VTI1A: variants seen among roughly 807,000 people sequenced by gnomAD.
The protein encoded by VTI1A is vesicle transport through interaction with t-SNAREs 1A.
Under a neutral mutation model 34.9 loss-of-function variants are expected in VTI1A, and 22 were observed. The observed-to-expected ratio is 0.63, with a 90% confidence interval of 0.45 to 0.90. VTI1A has a LOEUF of 0.90. Among genes scored for constraint, VTI1A ranks in the 40% least tolerant of loss-of-function variants. The probability of loss-of-function intolerance (pLI) is 0.00; values close to 1 mark genes in which losing one functional copy is unlikely to be tolerated. For synonymous variants in VTI1A, 87 were observed against 97.3 expected (o/e 0.89, Z 0.62); for missense variants, 268 against 275.6 (o/e 0.97, Z 0.20).
chr10:112,750,347 CCTGA>C (rs935091208), intron 7 of VTI1A, among the ~76,000 whole-genome samples: 2 of 151,996 alleles, frequency 1.3e-5, no homozygotes, highest in African/African-American at 4.8e-5. Context: ...CACCACCATG[CCTGA>C]CTAATTTTGT....
At chr10:112,456,708 G>T (rs577710800) in intron 1 of VTI1A, among the ~76,000 whole-genome samples, 1 of 152,168 alleles carries the variant, frequency 6.6e-6, no homozygotes, top group Non-Finnish European at 1.5e-5. Flanking sequence ...TTCCAGTCTT[G>T]ATAGAACTGA....
At chr10:112,792,645 C>T (rs1590189433) in intron 7 of VTI1A, among the ~76,000 whole-genome samples, 1 of 152,168 alleles carries the variant, frequency 6.6e-6, no homozygotes, top group Non-Finnish European at 1.5e-5. Flanking sequence ...CTCATAAAAA[C>T]CGAGTCAAGA....
intron 7 of VTI1A, among the ~76,000 whole-genome samples, chr10:112,777,702 C>T (rs559880844): frequency 1.2e-4 from 19 of 152,180 alleles, no homozygotes; most frequent in African/African-American, 1.2e-4. Context: ...CTCCGTTTCC[C>T]GGACATTGTG....
intron 3 of VTI1A, among the ~76,000 whole-genome samples, chr10:112,467,339 A>G (rs989667200): frequency 3.3e-5 from 5 of 152,174 alleles, no homozygotes; most frequent in African/African-American, 4.8e-5. Flanking sequence ...ACCAACAACT[A>G]TGAAACTAAA....
At chr10:112,580,253 G>A (rs1843873169) in intron 5 of VTI1A, among the ~76,000 whole-genome samples, 1 of 152,176 alleles carries the variant, frequency 6.6e-6, no homozygotes, top group Non-Finnish European at 1.5e-5. Flanking sequence ...AGGGGTGAAA[G>A]AAGCAGAAGA....
rs1554930264 is a variant in VTI1A, at chr10:112,642,994, T to TTG, written c.428-25224_428-25223insTG. On this transcript the variant is annotated intron_variant, in intron 5 of 7. Coordinates refer to ENST00000393077, the MANE Select transcript of VTI1A (RefSeq NM_145206.4). ...TTTCTTTTCTTTTTTTTTTTTTTTT[T>TTG]GTTTTTAAGACAGAGTCTCACTCTT... 7.4e-5 allele frequency among the ~76,000 whole-genome samples: 11 copies of TTG among 147,854 alleles called. No individual in the cohort carries two copies. The East Asian group carries it at 2.2e-3, about 29-fold the overall frequency.
At chr10:112,702,953 A>T (rs1237115306) in intron 7 of VTI1A, among the ~76,000 whole-genome samples, 1 of 152,190 alleles carries the variant, frequency 6.6e-6, no homozygotes, top group Non-Finnish European at 1.5e-5. Flanking sequence ...TCTAGTATTA[A>T]CTAATTGGGC....
chr10:112,520,647 G>GTATA lies in VTI1A; in HGVS notation c.265-6417_265-6414dup, dbSNP rs35437904. Among the ~76,000 whole-genome samples the GTATA allele has an allele frequency of 6.4e-3, 823 of 128,940 alleles. 10 individuals are homozygous for GTATA. The highest frequency in any genetic ancestry group is 0.02 in the African/African-American group (725 of 35,394). 84.6% of individuals were successfully genotyped at this position (128,940 alleles called of 152,430 possible). A position where few individuals can be genotyped will look rare whatever the true frequency, so the allele number is the denominator to read the frequency against. ...TGTGTGTGTGTGTGTGTGTGTGTGT[G>GTATA]TATATATATATATATATATATATAT... On this transcript the variant is annotated intron_variant, in intron 3 of 7. Transcript: ENST00000393077.
intron 1 of VTI1A, among the ~76,000 whole-genome samples, chr10:112,455,472 C>T (rs1298430057): frequency 1.4e-4 from 6 of 42,336 alleles, no homozygotes; most frequent in African/African-American, 6.7e-4. Context: ...TCCTTCCCTC[C>T]TTCCTTCCTC....
intron 3 of VTI1A, among the ~76,000 whole-genome samples, chr10:112,520,645 G>GTATATATATA (rs1214811424): frequency 1.6e-4 from 18 of 111,138 alleles, no homozygotes; most frequent in African/African-American, 5.4e-4. Flanking sequence ...GTGTGTGTGT[G>GTATATATATA]TGTATATATA....
At chr10:112,739,955 T>C (rs535326207) in intron 7 of VTI1A, among the ~76,000 whole-genome samples, 5 of 152,386 alleles carry the variant, frequency 3.3e-5, no homozygotes, top group African/African-American at 7.2e-5. Flanking sequence ...TTTTAAATTA[T>C]GCATTGCAAT....
intron 1 of VTI1A, among the ~76,000 whole-genome samples, chr10:112,457,847 G>T (rs1191663571): frequency 2.6e-5 from 4 of 152,178 alleles, no homozygotes; most frequent in Non-Finnish European, 5.9e-5. Flanking sequence ...CCAGATCAGG[G>T]TGCCATGGGA....
chr10:112,761,147 G>C (rs1051300397), intron 7 of VTI1A, among the ~76,000 whole-genome samples: 2 of 152,150 alleles, frequency 1.3e-5, no homozygotes, highest in African/African-American at 4.8e-5. Flanking sequence ...GGAATCCGCT[G>C]CTATTTAACG....
chr10:112,681,416 T>G (rs1225209858), intron 7 of VTI1A, among the ~76,000 whole-genome samples: 4 of 152,112 alleles, frequency 2.6e-5, no homozygotes, highest in Non-Finnish European at 5.9e-5. Context: ...AGTGAGCAAA[T>G]CATAGACAGC....
intron 5 of VTI1A, among the ~76,000 whole-genome samples, chr10:112,632,942 G>C (rs946362236): frequency 3.9e-5 from 6 of 152,176 alleles, no homozygotes; most frequent in African/African-American, 1.4e-4. Context: ...TTATTTTGTT[G>C]TAAGTTATTT....
chr10:112,512,215 T>A (rs1006389695), intron 3 of VTI1A, among the ~76,000 whole-genome samples: 2 of 152,188 alleles, frequency 1.3e-5, no homozygotes, highest in African/African-American at 4.8e-5. Context: ...CTCACCAACA[T>A]CTGTTACCTT....
intron 5 of VTI1A, among the ~76,000 whole-genome samples, chr10:112,650,816 T>C (rs1034985446): frequency 1.3e-5 from 2 of 152,210 alleles, no homozygotes; most frequent in Non-Finnish European, 2.9e-5. Flanking sequence ...CAGTGAAGAA[T>C]TTTCAAATTA....
At chr10:112,615,349 A>T (rs956160762) in intron 5 of VTI1A, among the ~76,000 whole-genome samples, 1 of 152,236 alleles carries the variant, frequency 6.6e-6, no homozygotes, top group African/African-American at 2.4e-5. Flanking sequence ...ATTTAGGAAT[A>T]GTTCTTTTAC....
intron 3 of VTI1A, among the ~76,000 whole-genome samples, chr10:112,483,810 C>G (rs1564795352): frequency 6.6e-6 from 1 of 151,970 alleles, no homozygotes; most frequent in Non-Finnish European, 1.5e-5. Flanking sequence ...TTAACAATAA[C>G]AATTAAAGGC....
Sources: gnomAD v4.1 joint callset for allele counts (sites outside exome capture counted in the v4.1 genomes callset) on GRCh38, gnomAD v4.1.1 for gene constraint, MANE v1.5 for transcripts, NCBI Gene and HGNC (gene_info 2026-07-23, HGNC 2026-07-21) for gene names.